MRPL36: variants seen among roughly 807,000 people sequenced by gnomAD.
MRPL36 encodes the protein large ribosomal subunit protein bL36m.
In MRPL36, 1 loss-of-function variant was observed where a neutral mutation model predicts 2.8. The ratio of observed to expected loss-of-function variants is 0.36; its 90% CI spans 0.13 to 1.69. The LOEUF is 1.69. Among genes scored for constraint, MRPL36 ranks in the 40% most tolerant of loss-of-function variants. The pLI is 0.35. For synonymous variants in MRPL36, 68 were observed against 54.8 expected (o/e 1.24, Z -1.06); for missense variants, 148 against 132.7 (o/e 1.12, Z -0.57).
At chr5:1,800,977 C>A (rs1468374591), upstream of MRPL36, among the ~76,000 whole-genome samples, 2 of 152,162 alleles carry the variant, frequency 1.3e-5, no homozygotes, top group Non-Finnish European at 2.9e-5. Flanking sequence ...TTATCGGTTA[C>A]CATAAGAATA....
Position 1,798,479 on chromosome 5 carries a change from C to G in MRPL36, c.*145G>C. On this transcript the variant is annotated 3_prime_UTR_variant, in exon 2 of 2. Transcript: ENST00000505059. ...TGTCTTCTATAGTTACTCATTTACACTGAAACGTGATGGGTAACTTTTAGG... is the reference window on the plus strand; with the variant it reads ...TGTCTTCTATAGTTACTCATTTACAGTGAAACGTGATGGGTAACTTTTAGG... 1 of 722,078 alleles carries G rather than the reference C, an allele frequency of 1.4e-6. No homozygotes were observed. Among genetic ancestry groups the G allele is most frequent in the South Asian group, 1.9e-5 (1 of 51,510 alleles). 44.7% of individuals were successfully genotyped at this position (722,078 alleles called of 1,614,324 possible).
chr5:1,798,727 G>A lies in MRPL36; in HGVS notation c.209C>T (p.Thr70Ile). ...LLPALGFKNK[T>I]VLKKRCKDCY... is the part of the protein sequence containing the mutation. The stretch of plus-strand genomic sequence containing the variant: ...GTCCTTGCAGCGCTTCTTAAGGACA[G>A]TCTTGTTTTTGAACCCCAGCGCAGG... Residue 70 changes from threonine to isoleucine, a missense_variant, in exon 2 of 2, where the codon ACT becomes ATT. Coordinates refer to ENST00000505059, the MANE Select transcript of MRPL36 (RefSeq NM_032479.4). The A allele has an allele frequency of 1.2e-6, 2 of 1,613,986 alleles. No individual in the cohort carries two copies. The highest frequency in any genetic ancestry group is 1.1e-5 in the South Asian group (1 of 91,066).
chr5:1,800,347 T>C (rs768468416), upstream of MRPL36, among the ~76,000 whole-genome samples: 9 of 152,202 alleles, frequency 5.9e-5, no homozygotes, highest in Non-Finnish European at 5.9e-5. Flanking sequence ...CCCTGCCTTT[T>C]CAGGTATCTA....
At chr5:1,800,178 C>G (rs546809705), upstream of MRPL36, among the ~76,000 whole-genome samples, 10 of 152,324 alleles carry the variant, frequency 6.6e-5, no homozygotes, top group South Asian at 2.1e-3. Context: ...GAAATGTAAA[C>G]AGGCTCCGGG....
Position 1,798,643 on chromosome 5 carries a change from T to A in MRPL36, c.293A>T (p.His98Leu). 6.2e-7 allele frequency: 1 copy of A among 1,610,128 alleles called. No homozygotes were observed. The highest frequency in any genetic ancestry group is 8.5e-7 in the Non-Finnish European group (1 of 1,176,566). ...WYVYCKTHPR[H>L]KQRQM is the part of the protein sequence containing the mutation. Reference sequence around the variant, plus strand: ...AAGGGTCTACATCTGTCTCTGCTTGTGCCTCGGATGGGTTTTACAGTAGAC... The same window carrying A: ...AAGGGTCTACATCTGTCTCTGCTTGAGCCTCGGATGGGTTTTACAGTAGAC... The change falls in exon 2 of 2, where the codon CAC (histidine) becomes CTC (leucine). Residue 98 changes from histidine (H) to leucine (L), a missense_variant. By Grantham distance (99) the His-to-Leu change is moderately conservative. Coordinates refer to ENST00000505059, the MANE Select transcript of MRPL36 (RefSeq NM_032479.4).
chr5:1,799,384 G>C (rs1243143553), intron 1 of MRPL36: 1 of 153,804 alleles, frequency 6.5e-6, no homozygotes. Context: ...CTCCGGAAGA[G>C]CACGGAACTC....
At position 1,798,969 on chromosome 5, in the gene MRPL36, G is replaced by A. The variant is rs200456761; in HGVS notation, c.-12-22C>T. On this transcript the variant is annotated intron_variant, in intron 1 of 1. Coordinates refer to ENST00000505059, the MANE Select transcript of MRPL36 (RefSeq NM_032479.4). ...GAATCTATGGGAGAGAGAAAAAAAGGAGTTATAGCTTCTCCTGCACTTCCA... is the reference window on the plus strand; with the variant it reads ...GAATCTATGGGAGAGAGAAAAAAAGAAGTTATAGCTTCTCCTGCACTTCCA... The A allele has an allele frequency of 6.6e-6, 10 of 1,522,122 alleles. No individual in the cohort carries two copies. In the South Asian group the frequency reaches 1.0e-4, roughly 15 times the overall value. 94.3% of individuals were successfully genotyped at this position (1,522,122 alleles called of 1,614,324 possible). A position where few individuals can be genotyped will look rare whatever the true frequency, so the allele number is the denominator to read the frequency against.
At position 1,798,767 on chromosome 5, in the gene MRPL36, G is replaced by C. The variant is rs11543343; in HGVS notation, c.169C>G (p.Leu57Val). ...AVRSLLSPGL[L>V]PHLLPALGFK... Reference sequence around the variant, plus strand: ...CCCAGCGCAGGCAGCAGATGGGGCAGGAGGCCGGGTGAGAGAAGTGAGCGC... The same window carrying C: ...CCCAGCGCAGGCAGCAGATGGGGCACGAGGCCGGGTGAGAGAAGTGAGCGC... Residue 57 changes from leucine to valine, a missense_variant, in exon 2 of 2, where the codon CTG (leucine) becomes GTG (valine). Transcript: ENST00000505059. 1 of 1,614,072 alleles carries C rather than the reference G, an allele frequency of 6.2e-7. No homozygotes were observed. Among genetic ancestry groups the C allele is most frequent in the African/African-American group, 1.3e-5 (1 of 75,032 alleles).
Position 1,798,545 on chromosome 5 carries a change from A to T in MRPL36, c.*79T>A. ...CACTTTCCCCTGACTCCTTGATGTG[A>T]TAATTCCTTCCATAAGATACAACCA... On this transcript the variant is annotated 3_prime_UTR_variant, in exon 2 of 2. Transcript: ENST00000505059. The T allele has an allele frequency of 2.8e-6, 4 of 1,435,614 alleles. No individual in the cohort carries two copies. The highest frequency in any genetic ancestry group is 3.8e-6 in the Non-Finnish European group (4 of 1,048,974). The allele number at this position is 1,435,614 out of a possible 1,614,324, so 88.9% of individuals were successfully genotyped here. A position where few individuals can be genotyped will look rare whatever the true frequency, so the allele number is the denominator to read the frequency against.
chr5:1,800,703 G>A (rs769516540), upstream of MRPL36, among the ~76,000 whole-genome samples: 5 of 152,214 alleles, frequency 3.3e-5, no homozygotes, highest in African/African-American at 1.2e-4. Context: ...CAAAAGAAAA[G>A]CTGGATGCTG....
Position 1,798,907 on chromosome 5 carries a change from A to G in MRPL36, c.29T>C (p.Val10Ala), listed in dbSNP as rs753894225. The G allele has an allele frequency of 1.3e-6, 2 of 1,595,670 alleles. No homozygotes were observed. Among genetic ancestry groups the G allele is most frequent in the Admixed American group, 3.4e-5 (2 of 58,914 alleles). Residue 10 changes from valine to alanine, a missense_variant, in exon 2 of 2, where the codon GTG becomes GCG. Physicochemically the swap from Val to Ala is moderately conservative, Grantham distance 64 (BLOSUM62 0). Coordinates refer to ENST00000505059, the MANE Select transcript of MRPL36 (RefSeq NM_032479.4). MANLFIRKM[V>A]NPLLYLSRHT... ...ACGACTGAGATAGAGCAGAGGGTTCACCATTTTCCTTATAAAAAGATTTGC... is the reference window on the plus strand; with the variant it reads ...ACGACTGAGATAGAGCAGAGGGTTCGCCATTTTCCTTATAAAAAGATTTGC...
At chr5:1,799,017 T>A in intron 1 of MRPL36, 70 bp from the exon 2 acceptor site, 1 of 1,296,884 alleles carries the variant, frequency 7.7e-7, no homozygotes, top group Non-Finnish European at 1.1e-6. Context: ...GGCTTCCTTT[T>A]CTCTGTTTCA....
chr5:1,799,242 G>A (rs10070488), intron 1 of MRPL36: 17,796 of 278,510 alleles, frequency 0.064, 1,491 homozygotes, highest in African/African-American at 0.23. Flanking sequence ...GGCTGGGAGG[G>A]AGCTTAAACT....
At position 1,798,771 on chromosome 5, in the gene MRPL36, G is replaced by A. The variant is rs139443193; in HGVS notation, c.165C>T (p.Gly55=). The A allele has an allele frequency of 7.4e-6, 12 of 1,613,924 alleles. No homozygotes were observed. Among genetic ancestry groups the A allele is most frequent in the Middle Eastern group, 1.6e-4 (1 of 6,082 alleles). Residue 55 remains glycine, a synonymous_variant, in exon 2 of 2, where the codon GGC becomes GGT. Coordinates refer to ENST00000505059, the MANE Select transcript of MRPL36 (RefSeq NM_032479.4). The part of the protein sequence containing the change: ...GAAVRSLLSP[G]LLPHLLPALG... ...GCGCAGGCAGCAGATGGGGCAGGAG[G>A]CCGGGTGAGAGAAGTGAGCGCACTG...
chr5:1,801,305 G>A, upstream of MRPL36: 3 of 1,352,940 alleles, frequency 2.2e-6, no homozygotes, highest in Non-Finnish European at 1.9e-6. Context: ...CCCGACCCGC[G>A]CTCCCCGCCC....
intron 1 of MRPL36, 85 bp from the exon 2 acceptor site, chr5:1,799,032 G>A: frequency 1.7e-6 from 2 of 1,147,312 alleles, no homozygotes; most frequent in South Asian, 1.6e-5. Context: ...GTTTCACTGA[G>A]GCTTGGGAAG....
upstream of MRPL36, chr5:1,801,293 G>A (rs935667808): frequency 4.7e-5 from 65 of 1,396,736 alleles, no homozygotes; most frequent in Middle Eastern, 2.0e-4. Context: ...CGCACCCTCT[G>A]CCCCGACCCG....
upstream of MRPL36, among the ~76,000 whole-genome samples, chr5:1,800,311 C>G (rs1046240516): frequency 3.9e-5 from 6 of 152,152 alleles, no homozygotes; most frequent in African/African-American, 1.4e-4. Flanking sequence ...TACTTGCCAC[C>G]TAGATTCTAC....
rs958890740 is a variant in MRPL36, at chr5:1,798,485, C to T, written c.*139G>A. On this transcript the variant is annotated 3_prime_UTR_variant, in exon 2 of 2. Transcript: ENST00000505059. ...CTATAGTTACTCATTTACACTGAAA[C>T]GTGATGGGTAACTTTTAGGGCGTTT... The T allele has an allele frequency of 6.8e-5, 50 of 736,762 alleles. No homozygotes were observed. Among genetic ancestry groups the T allele is most frequent in the Non-Finnish European group, 9.6e-5 (43 of 448,646 alleles). The allele number at this position is 736,762 out of a possible 1,614,324, so 45.6% of individuals were successfully genotyped here.
Sources: allele counts gnomAD v4.1 joint callset (sites outside exome capture counted in the v4.1 genomes callset), GRCh38; gene constraint gnomAD v4.1.1; transcripts MANE v1.5; gene names NCBI Gene and HGNC (gene_info 2026-07-23, HGNC 2026-07-21).